The following UBASH3A variants were observed in gnomAD, a reference collection of about 807,000 sequenced individuals.
The protein encoded by UBASH3A is ubiquitin-associated and SH3 domain-containing protein A.
A neutral mutation model predicts 73.5 loss-of-function variants in UBASH3A; 63 were observed. The observed-to-expected ratio is 0.86, with a 90% confidence interval of 0.70 to 1.06. The LOEUF (loss-of-function observed/expected upper bound fraction) is 1.06, where lower values mean the gene tolerates loss of function less well. UBASH3A is among the 50% of genes least tolerant of loss of function. The pLI is 0.00. For synonymous variants in UBASH3A, 363 were observed against 351.1 expected (o/e 1.03, Z -0.38); for missense variants, 860 against 859.0 (o/e 1.00, Z -0.02).
intron 11 of UBASH3A, among the ~76,000 whole-genome samples, chr21:42,437,819 C>T (rs1332496578): frequency 6.6e-6 from 1 of 152,190 alleles, no homozygotes; most frequent in African/African-American, 2.4e-5. Context: ...AATGCCAGGG[C>T]CTGTCCTCAT....
chr21:42,413,325 C>A lies in UBASH3A; in HGVS notation c.554-85C>A, dbSNP rs1266855618. On this transcript the variant is annotated intron_variant, in intron 4 of 14. Transcript: ENST00000319294. This position sits in a 1 kb window ranked among gnomAD's most constrained non-coding sequence, Gnocchi z 4.5. ...GGCACATGGATGCAGTGGGTGGGTTCCAGGGGAGCAGAGCCCAGCAGCAAT... is the reference window on the plus strand; with the variant it reads ...GGCACATGGATGCAGTGGGTGGGTTACAGGGGAGCAGAGCCCAGCAGCAAT... 1.9e-6 allele frequency: 3 copies of A among 1,547,170 alleles called. No homozygotes were observed. Among genetic ancestry groups the A allele is most frequent in the Admixed American group, 3.4e-5 (2 of 58,312 alleles).
intron 3 of UBASH3A, 94 bp downstream of exon 3, chr21:42,409,702 A>C (rs1249592555): frequency 3.4e-6 from 4 of 1,163,780 alleles, no homozygotes; most frequent in Non-Finnish European, 4.9e-6. Context: ...GACTTATTTA[A>C]ATGGGATAGT....
chr21:42,408,363 A>G (rs2053020779), intron 2 of UBASH3A, among the ~76,000 whole-genome samples: 1 of 152,216 alleles, frequency 6.6e-6, no homozygotes. Flanking sequence ...TTTCTTCTAA[A>G]TAACCCTAAA....
intron 11 of UBASH3A, 43 bp downstream of exon 11, chr21:42,437,623 T>TG (rs774186799): frequency 6.4e-7 from 1 of 1,557,398 alleles, no homozygotes; most frequent in East Asian, 2.2e-5. Flanking sequence ...GCCTTGACCT[T>TG]GGGGCTATTC....
chr21:42,427,256 G>T (rs920031709), intron 8 of UBASH3A, among the ~76,000 whole-genome samples: 1 of 152,188 alleles, frequency 6.6e-6, no homozygotes, highest in Admixed American at 6.5e-5. Context: ...CCCTCATGGG[G>T]CACATCCAGG....
chr21:42,416,541 T>A lies in UBASH3A; in HGVS notation c.767T>A (p.Ile256Asn). The change falls in exon 6 of 15, where the codon ATC (isoleucine) becomes AAC (asparagine). Residue 256 changes from isoleucine to asparagine, a missense_variant. By Grantham distance (149) the Ile-to-Asn change is moderately radical. Transcript: ENST00000319294. ...QRTLEQLARA[I>N]PLGHSCQWTA... ...ACGCTGGAGCAGCTGGCCAGAGCCA[T>A]CCCCCTGGGCCACAGCTGCCAGTGG... is the stretch of plus-strand genomic sequence containing the variant. The A allele has an allele frequency of 1.9e-6, 3 of 1,609,892 alleles. No individual in the cohort carries two copies. Among genetic ancestry groups the A allele is most frequent in the Non-Finnish European group, 2.5e-6 (3 of 1,178,338 alleles).
intron 11 of UBASH3A, among the ~76,000 whole-genome samples, chr21:42,437,943 A>T (rs571746212): frequency 1.3e-5 from 2 of 152,214 alleles, no homozygotes; most frequent in African/African-American, 4.8e-5. Flanking sequence ...TCTGAATTGC[A>T]TGACCCTTCC....
At chr21:42,429,299 C>G (rs1307855985) in intron 8 of UBASH3A, among the ~76,000 whole-genome samples, 1 of 152,234 alleles carries the variant, frequency 6.6e-6, no homozygotes, top group Non-Finnish European at 1.5e-5. Context: ...CACCGCCCAG[C>G]CTGTTATGGC....
intron 14 of UBASH3A, among the ~76,000 whole-genome samples, chr21:42,445,216 A>G (rs1166189773): frequency 2.6e-5 from 4 of 152,208 alleles, no homozygotes; most frequent in African/African-American, 9.6e-5. Flanking sequence ...TGTCCAGTCC[A>G]TGGGTGAATT....
intron 11 of UBASH3A, among the ~76,000 whole-genome samples, chr21:42,441,098 G>A (rs1159095791): frequency 6.6e-6 from 1 of 151,914 alleles, no homozygotes; most frequent in Non-Finnish European, 1.5e-5. Flanking sequence ...CCTGTTTAAA[G>A]GGCATGGGTT....
intron 10 of UBASH3A, chr21:42,435,579 T>TAGTTATAG (rs1318836427): frequency 6.7e-6 from 1 of 150,150 alleles, no homozygotes; most frequent in African/African-American, 2.4e-5. Flanking sequence ...GTTATAGAGT[T>TAGTTATAG]AGTTATAGAG....
intron 12 of UBASH3A, 58 bp downstream of exon 12, chr21:42,442,654 A>T: frequency 6.5e-7 from 1 of 1,542,098 alleles, no homozygotes. Flanking sequence ...TTAAAGAAAA[A>T]TTTCATGACA....
chr21:42,405,146 A>AT (rs1411995499), intron 1 of UBASH3A, among the ~76,000 whole-genome samples: 1 of 152,068 alleles, frequency 6.6e-6, no homozygotes, highest in Non-Finnish European at 1.5e-5. Flanking sequence ...AGACAAACCC[A>AT]TTTCTTCTCC....
chr21:42,422,970 G>A (rs9979841), intron 7 of UBASH3A, among the ~76,000 whole-genome samples: 23,496 of 152,166 alleles, frequency 0.15, 2,372 homozygotes, highest in Middle Eastern at 0.24. Flanking sequence ...TTTCAAACAC[G>A]ACCATTTCAT....
Position 42,432,227 on chromosome 21 carries a change from C to T in UBASH3A, c.1270+25C>T, listed in dbSNP as rs200635737. 3.1e-4 allele frequency: 469 copies of T among 1,499,610 alleles called. 1 individual carries two copies. The highest frequency in any genetic ancestry group is 1.8e-3 in the African/African-American group (133 of 72,612). 92.9% of individuals were successfully genotyped at this position (1,499,610 alleles called of 1,614,324 possible). A position where few individuals can be genotyped will look rare whatever the true frequency, so the allele number is the denominator to read the frequency against. On this transcript the variant is annotated intron_variant, in intron 9 of 14. Coordinates refer to ENST00000319294, the MANE Select transcript of UBASH3A (RefSeq NM_018961.4). ...GGTAGGTCACACTCAGGCGGGTCTA[C>T]GGACAGAAACACTGTAGATCTAACC...
At chr21:42,444,418 G>T (rs910940224) in intron 13 of UBASH3A, 116 bp from the exon 14 acceptor site, 5 of 775,398 alleles carry the variant, frequency 6.4e-6, no homozygotes, top group South Asian at 1.5e-5. Context: ...CGGGGGTCTC[G>T]CCAGGCTTCG....
At chr21:42,444,714 C>A in intron 14 of UBASH3A, 71 bp downstream of exon 14, 1 of 1,243,962 alleles carries the variant, frequency 8.0e-7, no homozygotes, top group Non-Finnish European at 1.2e-6. Context: ...ATCTCATCCA[C>A]TTCTCGGAAT....
chr21:42,434,562 T>C (rs766776262), intron 9 of UBASH3A, among the ~76,000 whole-genome samples: 6 of 152,344 alleles, frequency 3.9e-5, no homozygotes, highest in Non-Finnish European at 7.3e-5. Context: ...TGAATCTTCA[T>C]GGGGCATTTT....
intron 2 of UBASH3A, among the ~76,000 whole-genome samples, chr21:42,407,909 C>T (rs1232118070): frequency 1.3e-5 from 2 of 152,236 alleles, no homozygotes; most frequent in African/African-American, 4.8e-5. Flanking sequence ...TGAACTATTA[C>T]ACAGCCTTTA....
Sources: allele counts gnomAD v4.1 joint callset (sites outside exome capture counted in the v4.1 genomes callset), GRCh38; gene constraint gnomAD v4.1.1; non-coding constraint Gnocchi (gnomAD v3.1); transcripts MANE v1.5; gene names NCBI Gene and HGNC (gene_info 2026-07-23, HGNC 2026-07-21).